PRUNE2: variants seen among roughly 807,000 people sequenced by gnomAD.
PRUNE2 encodes the protein prune homolog 2 with BCH domain, also known as protein prune homolog 2.
Under a neutral mutation model 252.0 loss-of-function variants are expected in PRUNE2, and 164 were observed. The observed-to-expected ratio is 0.65, with a 90% CI of 0.57 to 0.74. The LOEUF (loss-of-function observed/expected upper bound fraction) is 0.74. PRUNE2 is among the 30% of genes least tolerant of loss of function. PRUNE2 has a pLI of 0.00. For missense variants in PRUNE2, 3,495 were observed against 3,711.0 expected (o/e 0.94, Z 1.51); for synonymous variants, 1,292 against 1,350.2 (o/e 0.96, Z 0.94).
intron 6 of PRUNE2, among the ~76,000 whole-genome samples, chr9:76,750,163 T>C (rs2050492337): frequency 6.6e-6 from 1 of 152,208 alleles, no homozygotes; most frequent in Non-Finnish European, 1.5e-5. Flanking sequence ...TTCTATTATA[T>C]ATTAGTAATA....
chr9:76,803,949 T>C (rs1283557223), intron 6 of PRUNE2, among the ~76,000 whole-genome samples: 1 of 152,140 alleles, frequency 6.6e-6, no homozygotes, highest in Non-Finnish European at 1.5e-5. Context: ...TGCATTTCTA[T>C]TCCTCATTTC....
intron 10 of PRUNE2, 106 bp from the exon 11 acceptor site, chr9:76,652,789 CCAA>C: frequency 1.3e-6 from 1 of 752,546 alleles, no homozygotes; most frequent in South Asian, 1.7e-5. Flanking sequence ...TTTTTGAGTG[CCAA>C]CATGACGTGT....
In PRUNE2 at chr9:76,611,616, A is replaced by G. The variant is rs1002344353; in HGVS notation, c.*2954T>C. The G allele has an allele frequency of 6.6e-6, 1 of 152,636 alleles. No homozygotes were observed. Among genetic ancestry groups the G allele is most frequent in the Non-Finnish European group, 1.5e-5 (1 of 68,050 alleles). The allele number at this position is 152,636 out of a possible 1,614,324, so 9.5% of individuals were successfully genotyped here. On this transcript the variant is annotated 3_prime_UTR_variant, in exon 19 of 19. Coordinates refer to ENST00000376718, the MANE Select transcript of PRUNE2 (RefSeq NM_015225.3). ...CAAACTACTGAGGCATTGTGATAAG[A>G]CGAGAGTTGCAAACATAGTACCATA...
chr9:76,776,529 T>C (rs988121901), intron 6 of PRUNE2, among the ~76,000 whole-genome samples: 5 of 134,036 alleles, frequency 3.7e-5, no homozygotes, highest in Non-Finnish European at 7.8e-5. Context: ...TTTTTTTTTT[T>C]TTTTTGAGAT....
At chr9:76,693,811 C>T (rs1338316875) in intron 9 of PRUNE2, among the ~76,000 whole-genome samples, 1 of 152,148 alleles carries the variant, frequency 6.6e-6, no homozygotes, top group Non-Finnish European at 1.5e-5. Context: ...TTTATTTAAA[C>T]TAAAAGCCTA....
intron 6 of PRUNE2, among the ~76,000 whole-genome samples, chr9:76,816,044 C>A (rs1377415593): frequency 6.6e-6 from 1 of 151,784 alleles, no homozygotes; most frequent in South Asian, 2.1e-4. Context: ...CACCTGTAAT[C>A]CCAGCTACTC....
intron 6 of PRUNE2, chr9:76,736,604 G>A (rs933232841): frequency 3.9e-5 from 6 of 152,298 alleles, no homozygotes; most frequent in Non-Finnish European, 7.3e-5. Flanking sequence ...GTGTCCTCAC[G>A]TGACAGAAAA....
chr9:76,734,827 C>G (rs957421276), intron 6 of PRUNE2, among the ~76,000 whole-genome samples: 4 of 152,104 alleles, frequency 2.6e-5, no homozygotes, highest in African/African-American at 9.7e-5. Flanking sequence ...GTGACCTGAG[C>G]GAGGCTACTC....
chr9:76,613,656 C>G lies in PRUNE2; in HGVS notation c.*914G>C, dbSNP rs1054809991. ...ATATTTTGTACATGAAAGTAATACT[C>G]ATATTTAATTTTAAGCCTATGATCA... is the stretch of plus-strand genomic sequence containing the variant. On this transcript the variant is annotated 3_prime_UTR_variant, in exon 19 of 19. Coordinates refer to ENST00000376718, the MANE Select transcript of PRUNE2 (RefSeq NM_015225.3). The G allele has an allele frequency of 2.0e-5, 3 of 152,124 alleles. No individual in the cohort carries two copies. The highest frequency in any genetic ancestry group is 4.8e-5 in the African/African-American group (2 of 41,420). 9.4% of individuals were successfully genotyped at this position (152,124 alleles called of 1,614,324 possible).
chr9:76,754,566 T>G (rs765450943), intron 6 of PRUNE2, among the ~76,000 whole-genome samples: 9 of 152,242 alleles, frequency 5.9e-5, no homozygotes, highest in Non-Finnish European at 1.2e-4. Flanking sequence ...TTCTTTTGAA[T>G]GCTTGTGGAG....
rs377523062 is a variant in PRUNE2 at position 76,841,513 on chromosome 9, G to T, written c.508+5002C>A. Reference sequence around the variant, plus strand: ...GGGGGCTGAAGCCAAGAAGCCAAGTGGTCTAGCTCAGTGGATCCCACCCCA... The same window carrying T: ...GGGGGCTGAAGCCAAGAAGCCAAGTTGTCTAGCTCAGTGGATCCCACCCCA... On this transcript the variant is annotated intron_variant, in intron 4 of 18. Transcript: ENST00000376718. 1.6e-3 allele frequency among the ~76,000 whole-genome samples: 240 copies of T among 152,298 alleles called. 1 individual carries two copies. Among genetic ancestry groups the T allele is most frequent in the African/African-American group, 5.5e-3 (227 of 41,566 alleles).
At chr9:76,860,781 AAG>A (rs2132790965) in intron 1 of PRUNE2, among the ~76,000 whole-genome samples, 1 of 152,336 alleles carries the variant, frequency 6.6e-6, no homozygotes, top group Non-Finnish European at 1.5e-5. Flanking sequence ...ATGAAGAAAC[AAG>A]AGAGAAATAA....
intron 6 of PRUNE2, chr9:76,783,788 G>A (rs911578545): frequency 6.6e-6 from 1 of 152,170 alleles, no homozygotes. Context: ...ACTAGAAACA[G>A]CAAGATGACA....
intron 9 of PRUNE2, among the ~76,000 whole-genome samples, chr9:76,693,635 G>T (rs2045053481): frequency 6.6e-6 from 1 of 151,780 alleles, no homozygotes; most frequent in Non-Finnish European, 1.5e-5. Context: ...GTGGAGACGG[G>T]GTTTCATCAT....
chr9:76,615,433 A>C (rs1031047364), intron 18 of PRUNE2, among the ~76,000 whole-genome samples: 1 of 152,220 alleles, frequency 6.6e-6, no homozygotes, highest in Non-Finnish European at 1.5e-5. Context: ...AATTTGCGGC[A>C]GCTGAGCAGT....
intron 9 of PRUNE2, among the ~76,000 whole-genome samples, chr9:76,670,065 G>A (rs1359761926): frequency 6.6e-6 from 1 of 152,158 alleles, no homozygotes; most frequent in African/African-American, 2.4e-5. Context: ...GGCCGAATAG[G>A]AACAGCTCCA....
At chr9:76,816,325 G>A (rs887991296) in intron 6 of PRUNE2, among the ~76,000 whole-genome samples, 1 of 152,044 alleles carries the variant, frequency 6.6e-6, no homozygotes, top group African/African-American at 2.4e-5. Context: ...AAGACAAAGT[G>A]CTGTTGCTGC....
chr9:76,623,069 T>C (rs886435268), intron 17 of PRUNE2, among the ~76,000 whole-genome samples: 7 of 152,232 alleles, frequency 4.6e-5, no homozygotes, highest in African/African-American at 1.7e-4. Flanking sequence ...TTAGATTTTA[T>C]TTATTCAGAA....
At chr9:76,643,110 C>A (rs149813326) in intron 12 of PRUNE2, among the ~76,000 whole-genome samples, 5 of 152,286 alleles carry the variant, frequency 3.3e-5, no homozygotes, top group African/African-American at 9.6e-5. Flanking sequence ...GGCTTTTTCC[C>A]AACCATCAGT....
Sources: allele counts gnomAD v4.1 joint callset (sites outside exome capture counted in the v4.1 genomes callset), GRCh38; gene constraint gnomAD v4.1.1; transcripts MANE v1.5; gene names NCBI Gene and HGNC (gene_info 2026-07-23, HGNC 2026-07-21).